Variants in SLC25A31 observed in about 807,000 individuals in gnomAD.
SLC25A31 encodes the protein ADP/ATP translocase 4.
SLC25A31 carries 40 observed loss-of-function variants against 36.2 expected under a neutral mutation model. The ratio of observed to expected loss-of-function variants is 1.10; its 90% CI spans 0.86 to 1.44. SLC25A31 has a LOEUF of 1.44. SLC25A31 is among the 40% of genes most tolerant of loss of function. The pLI, the probability that SLC25A31 is intolerant of heterozygous loss-of-function variation, is 0.00. For synonymous variants in SLC25A31, 143 were observed against 149.7 expected, an observed-to-expected ratio of 0.96 and a Z score of 0.32; for missense variants, 350 against 397.1, an observed-to-expected ratio of 0.88 and a Z score of 1.01.
At chr4:127,748,871 C>T (rs543086161) in intron 2 of SLC25A31, among the ~76,000 whole-genome samples, 1 of 152,288 alleles carries the variant, frequency 6.6e-6, no homozygotes, top group East Asian at 1.9e-4. Flanking sequence ...ATAACAAAGA[C>T]TCAGGCAACC....
intron 1 of SLC25A31, among the ~76,000 whole-genome samples, chr4:127,733,511 T>G (rs1159975653): frequency 6.6e-6 from 1 of 152,226 alleles, no homozygotes; most frequent in African/African-American, 2.4e-5. Context: ...TCTATGATGA[T>G]TGTATGTATA....
chr4:127,753,882 C>T (rs1731982480), intron 2 of SLC25A31, among the ~76,000 whole-genome samples: 1 of 152,042 alleles, frequency 6.6e-6, no homozygotes, highest in East Asian at 1.9e-4. Context: ...TACAGGTCAG[C>T]GTCCCTAGTG....
intron 1 of SLC25A31, among the ~76,000 whole-genome samples, chr4:127,735,456 TG>T (rs1048423943): frequency 1.3e-5 from 2 of 152,172 alleles, no homozygotes; most frequent in African/African-American, 2.4e-5. Flanking sequence ...CTTCATATAT[TG>T]TTTTTTTGTT....
At chr4:127,767,344 GAC>G in intron 4 of SLC25A31, 124 bp downstream of exon 4, 1 of 950,408 alleles carries the variant, frequency 1.1e-6, no homozygotes, top group Non-Finnish European at 1.4e-6. Flanking sequence ...AAAAAAGAGA[GAC>G]ATGAAATTCT....
Position 127,741,430 on chromosome 4 carries a change from A to C in SLC25A31, c.233-3242A>C, listed in dbSNP as rs184030164. Among the ~76,000 whole-genome samples the C allele has an allele frequency of 2.5e-3, 380 of 152,320 alleles. 2 individuals are homozygous for C. Among genetic ancestry groups the C allele is most frequent in the South Asian group, 0.011 (54 of 4,822 alleles). On this transcript the variant is annotated intron_variant, in intron 1 of 5. Coordinates refer to ENST00000281154, the MANE Select transcript of SLC25A31 (RefSeq NM_031291.4). ...TTTGTTGAGAGTTTTTATTACATAA[A>C]GATAAATTCTGTCAAATGCTTCTTC...
At chr4:127,752,262 C>T (rs1731948046) in intron 2 of SLC25A31, among the ~76,000 whole-genome samples, 1 of 152,066 alleles carries the variant, frequency 6.6e-6, no homozygotes, top group Non-Finnish European at 1.5e-5. Flanking sequence ...AGTTCATGTC[C>T]TTTGTAGGGA....
chr4:127,736,847 A>G (rs1731642364), intron 1 of SLC25A31, among the ~76,000 whole-genome samples: 1 of 152,244 alleles, frequency 6.6e-6, no homozygotes, highest in South Asian at 2.1e-4. Flanking sequence ...TGTACTCCAG[A>G]TGTTCATTTG....
intron 5 of SLC25A31, among the ~76,000 whole-genome samples, chr4:127,772,878 C>T (rs1205594875): frequency 6.6e-6 from 1 of 150,952 alleles, no homozygotes; most frequent in African/African-American, 2.4e-5. Context: ...ACCTCCCAGG[C>T]TCAGGTGATC....
At chr4:127,735,630 A>C (rs1210966605) in intron 1 of SLC25A31, among the ~76,000 whole-genome samples, 1 of 152,098 alleles carries the variant, frequency 6.6e-6, no homozygotes, top group Non-Finnish European at 1.5e-5. Flanking sequence ...AAAGTTTTTA[A>C]ATGAAAAATC....
At chr4:127,731,335 G>C (rs1194176277) in intron 1 of SLC25A31, among the ~76,000 whole-genome samples, 2 of 151,972 alleles carry the variant, frequency 1.3e-5, no homozygotes, top group Non-Finnish European at 2.9e-5. Context: ...TGAAGACCAA[G>C]GGGGTACTTC....
intron 2 of SLC25A31, among the ~76,000 whole-genome samples, chr4:127,754,059 G>A (rs775325580): frequency 6.6e-4 from 101 of 152,140 alleles, no homozygotes; most frequent in Non-Finnish European, 1.2e-3. Context: ...AACCATAGCA[G>A]CATCTGAGTA....
intron 2 of SLC25A31, among the ~76,000 whole-genome samples, chr4:127,759,760 A>G (rs899120564): frequency 6.6e-6 from 1 of 152,202 alleles, no homozygotes; most frequent in Non-Finnish European, 1.5e-5. Context: ...CAATGTTGCA[A>G]ACATACTTAA....
At chr4:127,759,958 A>G (rs1174350895) in intron 2 of SLC25A31, among the ~76,000 whole-genome samples, 1 of 152,184 alleles carries the variant, frequency 6.6e-6, no homozygotes, top group African/African-American at 2.4e-5. Context: ...ATGAAATTAT[A>G]GTGATGGAAA....
At chr4:127,758,337 G>GT (rs1560637517) in intron 2 of SLC25A31, among the ~76,000 whole-genome samples, 1 of 152,142 alleles carries the variant, frequency 6.6e-6, no homozygotes, top group East Asian at 1.9e-4. Flanking sequence ...GGGTTATTTG[G>GT]TTTTTTTCTG....
chr4:127,736,828 T>G (rs1404700566), intron 1 of SLC25A31, among the ~76,000 whole-genome samples: 1 of 152,224 alleles, frequency 6.6e-6, no homozygotes, highest in Non-Finnish European at 1.5e-5. Flanking sequence ...GTTCCTGAAT[T>G]TATAAACATG....
intron 1 of SLC25A31, 54 bp from the exon 2 acceptor site, chr4:127,744,617 GC>G (rs901538363): frequency 6.9e-7 from 1 of 1,450,156 alleles, no homozygotes; most frequent in African/African-American, 1.4e-5. Flanking sequence ...TAAAACTATG[GC>G]AATTGTTTAA....
chr4:127,741,183 C>G (rs1731726170), intron 1 of SLC25A31, among the ~76,000 whole-genome samples: 1 of 152,156 alleles, frequency 6.6e-6, no homozygotes, highest in Admixed American at 6.5e-5. Context: ...CATCTGCAAA[C>G]AGAGACAGTT....
intron 4 of SLC25A31, among the ~76,000 whole-genome samples, chr4:127,768,047 A>G (rs1732279082): frequency 1.3e-5 from 2 of 151,956 alleles, no homozygotes; most frequent in South Asian, 2.1e-4. Context: ...TAAGTAATTT[A>G]CTTGTTAAAG....
chr4:127,757,893 A>T (rs917607439), intron 2 of SLC25A31, among the ~76,000 whole-genome samples: 1 of 152,036 alleles, frequency 6.6e-6, no homozygotes, highest in Non-Finnish European at 1.5e-5. Context: ...GTCCATTTTC[A>T]TGCTGCTGAT....
Sources: gnomAD v4.1 joint callset for allele counts (sites outside exome capture counted in the v4.1 genomes callset) on GRCh38, gnomAD v4.1.1 for gene constraint, MANE v1.5 for transcripts, NCBI Gene and HGNC (gene_info 2026-07-23, HGNC 2026-07-21) for gene names.